ATP8A2: variants seen among roughly 807,000 people sequenced by gnomAD.
ATP8A2 encodes ATPase phospholipid transporting 8A2, also known as phospholipid-transporting ATPase IB.
In ATP8A2, 100 loss-of-function variants were observed where a neutral mutation model predicts 165.6. The observed-to-expected ratio is 0.60, with a 90% CI of 0.51 to 0.71. The LOEUF is 0.71. Among genes scored for constraint, ATP8A2 ranks in the 30% least tolerant of loss-of-function variants. The pLI is 0.00. For synonymous variants in ATP8A2, 543 were observed against 548.8 expected, an observed-to-expected ratio of 0.99 and a Z score of 0.15; for missense variants, 1,227 against 1,479.5, an observed-to-expected ratio of 0.83 and a Z score of 2.80.
At chr13:25,878,828 C>T (rs577675819) in intron 33 of ATP8A2, among the ~76,000 whole-genome samples, 31 of 152,288 alleles carry the variant, frequency 2.0e-4, no homozygotes, top group African/African-American at 6.3e-4. Flanking sequence ...TCTCCACTCA[C>T]GTCCATCACC....
At chr13:25,379,395 G>C (rs757744230) in intron 1 of ATP8A2, among the ~76,000 whole-genome samples, 10 of 152,206 alleles carry the variant, frequency 6.6e-5, no homozygotes, top group Non-Finnish European at 1.5e-4. Context: ...TCTCATTCCA[G>C]ATATTTAGTT....
chr13:25,936,831 C>G (rs1954905285), intron 33 of ATP8A2, among the ~76,000 whole-genome samples: 2 of 152,186 alleles, frequency 1.3e-5, no homozygotes, highest in Non-Finnish European at 2.9e-5. Context: ...ATGGTATTGT[C>G]TACACCTCAG....
At chr13:25,976,705 C>T (rs34131943) in intron 35 of ATP8A2, among the ~76,000 whole-genome samples, 2 of 151,898 alleles carry the variant, frequency 1.3e-5, no homozygotes, top group African/African-American at 2.4e-5. Context: ...TACCCTCCCC[C>T]CAAGAAATGC....
At chr13:25,784,428 C>T (rs906720520) in intron 27 of ATP8A2, among the ~76,000 whole-genome samples, 2 of 152,196 alleles carry the variant, frequency 1.3e-5, no homozygotes, top group African/African-American at 4.8e-5. Context: ...GCTTCCCTTC[C>T]TTAAAGGCCT....
intron 24 of ATP8A2, among the ~76,000 whole-genome samples, chr13:25,628,588 C>G (rs1204973950): frequency 6.6e-6 from 1 of 151,966 alleles, no homozygotes; most frequent in Admixed American, 6.6e-5. Flanking sequence ...ATAGCAGAAA[C>G]TTGTCATCTC....
At chr13:25,534,450 G>T (rs1294575923) in intron 6 of ATP8A2, among the ~76,000 whole-genome samples, 1 of 152,122 alleles carries the variant, frequency 6.6e-6, no homozygotes, top group Non-Finnish European at 1.5e-5. Context: ...CCCCAGAAAG[G>T]TATCAGTATC....
In ATP8A2 at chr13:25,558,965, T is replaced by C. The variant is rs755219830; in HGVS notation, c.1264-8T>C. The C allele has an allele frequency of 1.8e-5, 28 of 1,571,354 alleles. No individual in the cohort carries two copies. The highest frequency in any genetic ancestry group is 3.3e-4 in the Middle Eastern group (2 of 5,984). ...CCTGATGTATATTTCTTTTATTCTT[T>C]GGTTTAGGTGAAATATCTCTTTTCT... On this transcript the variant is annotated splice_polypyrimidine_tract_variant and splice_region_variant and intron_variant, in intron 13 of 36. Transcript: ENST00000381655.
intron 1 of ATP8A2, among the ~76,000 whole-genome samples, chr13:25,450,616 C>T (rs1222209508): frequency 6.6e-6 from 1 of 152,128 alleles, no homozygotes; most frequent in Non-Finnish European, 1.5e-5. Context: ...ACTGCAAGCT[C>T]CGCCTCCCGG....
chr13:25,894,185 T>TA (rs1413309151), intron 33 of ATP8A2, among the ~76,000 whole-genome samples: 2 of 152,200 alleles, frequency 1.3e-5, no homozygotes, highest in African/African-American at 2.4e-5. Flanking sequence ...TGTAAGTCTT[T>TA]AATCCATCTT....
Position 25,653,120 on chromosome 13 carries a change from G to A in ATP8A2, c.2212-46053G>A, listed in dbSNP as rs542685826. On this transcript the variant is annotated intron_variant, in intron 24 of 36. Coordinates refer to ENST00000381655, the MANE Select transcript of ATP8A2 (RefSeq NM_016529.6). ...TTTTGTTTAAGTCTTTAAACCATCT[G>A]AGTTAATTTTTGTCTATGGTGTAAG... is the stretch of plus-strand genomic sequence containing the variant. Among the ~76,000 whole-genome samples, 41 of 152,296 alleles carry A rather than the reference G, an allele frequency of 2.7e-4. No homozygotes were observed. In the South Asian group the frequency reaches 7.7e-3, roughly 28 times the overall value.
chr13:25,573,713 G>A (rs985376051), intron 18 of ATP8A2, among the ~76,000 whole-genome samples: 5 of 152,142 alleles, frequency 3.3e-5, no homozygotes, highest in African/African-American at 1.2e-4. Context: ...GTGCTGGGTG[G>A]TGGTAGTAGC....
chr13:25,546,245 C>A (rs371461319), intron 10 of ATP8A2, among the ~76,000 whole-genome samples: 1 of 152,128 alleles, frequency 6.6e-6, no homozygotes, highest in African/African-American at 2.4e-5. Context: ...GTGAGAGGCA[C>A]TTTTCCTTGT....
At chr13:25,383,379 A>T (rs1028514079) in intron 1 of ATP8A2, among the ~76,000 whole-genome samples, 4 of 152,238 alleles carry the variant, frequency 2.6e-5, no homozygotes, top group Non-Finnish European at 1.5e-5. Flanking sequence ...CTGGGATTAC[A>T]GGCGTGTGCC....
chr13:25,835,227 T>C (rs1238170390), intron 28 of ATP8A2, among the ~76,000 whole-genome samples: 1 of 152,166 alleles, frequency 6.6e-6, no homozygotes, highest in African/African-American at 2.4e-5. Context: ...GGCTCCTGGC[T>C]TCTGGTAGAA....
At chr13:25,619,531 A>T (rs1215264997) in intron 24 of ATP8A2, among the ~76,000 whole-genome samples, 1 of 152,216 alleles carries the variant, frequency 6.6e-6, no homozygotes, top group African/African-American at 2.4e-5. Flanking sequence ...ATGCTATGTT[A>T]AAAAAACAGA....
chr13:25,964,077 C>T (rs146268865), intron 34 of ATP8A2, among the ~76,000 whole-genome samples: 87 of 152,346 alleles, frequency 5.7e-4, no homozygotes, highest in African/African-American at 1.9e-3. Flanking sequence ...CAGGAGCACT[C>T]GGCCACCCAG....
chr13:25,424,028 G>GCCAT (rs1437154553), intron 1 of ATP8A2, among the ~76,000 whole-genome samples: 1 of 152,128 alleles, frequency 6.6e-6, no homozygotes, highest in African/African-American at 2.4e-5. Flanking sequence ...GATGGGGAGG[G>GCCAT]CCATCAACAA....
At chr13:25,548,141 G>T (rs1462481213) in intron 10 of ATP8A2, among the ~76,000 whole-genome samples, 1 of 152,082 alleles carries the variant, frequency 6.6e-6, no homozygotes, top group African/African-American at 2.4e-5. Context: ...CAGAAGAATC[G>T]CTTGAACCTG....
chr13:25,540,516 T>C, intron 8 of ATP8A2, 128 bp downstream of exon 8: 1 of 701,064 alleles, frequency 1.4e-6, no homozygotes, highest in East Asian at 2.7e-5. Context: ...TAATGGAATC[T>C]ATGGGAAGAA....
Sources: gnomAD v4.1 joint callset for allele counts (sites outside exome capture counted in the v4.1 genomes callset) on GRCh38, gnomAD v4.1.1 for gene constraint, MANE v1.5 for transcripts, NCBI Gene and HGNC (gene_info 2026-07-23, HGNC 2026-07-21) for gene names.